ITGB4: variants seen among roughly 807,000 people sequenced by gnomAD.
The protein encoded by ITGB4 is integrin subunit beta 4.
Under a neutral mutation model 207.6 loss-of-function variants are expected in ITGB4, and 159 were observed. The observed-to-expected ratio is 0.77, with a 90% CI of 0.67 to 0.87. The LOEUF is 0.87. Ranked by LOEUF, ITGB4 falls within the 40% of genes least tolerant of loss-of-function variation. ITGB4 has a pLI of 0.00. For missense variants in ITGB4, 2,278 were observed against 2,546.8 expected (o/e 0.89, Z 2.27); for synonymous variants, 1,020 against 1,062.7 (o/e 0.96, Z 0.78).
At position 75,756,794 on chromosome 17, in the gene ITGB4, G is replaced by C. The variant is rs770271972; in HGVS notation, c.4988G>C (p.Arg1663Pro). ...SPDSLQLSWERPRRPNGDIVG... is the reference protein window; with the variant it reads ...SPDSLQLSWEPPRRPNGDIVG... Reference sequence around the variant, plus strand: ...GACTCGCTGCAGCTGAGCTGGGAGCGGCCACGGAGGCCCAATGGGGATATC... The same window carrying C: ...GACTCGCTGCAGCTGAGCTGGGAGCCGCCACGGAGGCCCAATGGGGATATC... Residue 1663 changes from arginine to proline, a missense_variant, in exon 37 of 40, where the codon CGG becomes CCG. Physicochemically the swap from Arg to Pro is moderately radical, Grantham distance 103 (BLOSUM62 -2). Coordinates refer to ENST00000200181, the MANE Select transcript of ITGB4 (RefSeq NM_000213.5). The C allele has an allele frequency of 6.8e-6, 11 of 1,612,592 alleles. No individual in the cohort carries two copies. The highest frequency in any genetic ancestry group is 9.3e-6 in the Non-Finnish European group (11 of 1,179,998).
rs777636050 is a variant in ITGB4, at chr17:75,729,310, GA to G, written c.614del (p.Asn205ThrfsTer5). ...PNSDPPFSFKNVISLTEDVDE... is the reference protein window; with the variant it reads ...PNSDPPFSFKXVISLTEDVDE... ...ACAGTGACCCCCCCTTCTCCTTCAA[GA>G]ACGTCATCAGCCTGACAGAAGATGT... is the stretch of plus-strand genomic sequence containing the variant. On this transcript the variant is annotated frameshift_variant, in exon 7 of 40. Coordinates refer to ENST00000200181, the MANE Select transcript of ITGB4 (RefSeq NM_000213.5). LOFTEE classifies it high-confidence loss of function. The surrounding 1 kb of genome is among the most constrained non-coding windows in gnomAD (Gnocchi z 4.4). 3.7e-6 allele frequency: 6 copies of G among 1,614,024 alleles called. No individual in the cohort carries two copies. In the African/African-American group the frequency reaches 8.0e-5, roughly 22 times the overall value.
chr17:75,743,004 A>T (rs147390751), intron 25 of ITGB4, among the ~76,000 whole-genome samples: 112 of 152,210 alleles, frequency 7.4e-4, no homozygotes, highest in African/African-American at 2.6e-3. Flanking sequence ...TTGCATCCTC[A>T]TAAGGGCCAG....
In ITGB4 at chr17:75,731,806, CT is replaced by C; in HGVS notation, c.1216-5del. The C allele has an allele frequency of 1.9e-6, 3 of 1,579,904 alleles. No individual in the cohort carries two copies. The highest frequency in any genetic ancestry group is 2.6e-6 in the Non-Finnish European group (3 of 1,162,660). On this transcript the variant is annotated splice_region_variant and splice_polypyrimidine_tract_variant and intron_variant, in intron 10 of 39. Coordinates refer to ENST00000200181, the MANE Select transcript of ITGB4 (RefSeq NM_000213.5). This position sits in a 1 kb window ranked among gnomAD's most constrained non-coding sequence, Gnocchi z 6.8. ...CCTGCCTTGGCTGACCACGGGGCCC[CT>C]GCAGGGTATATACCAGGTGCAGCTG...
At position 75,729,711 on chromosome 17, in the gene ITGB4, G is replaced by A. The variant is rs144680250; in HGVS notation, c.738+275G>A. 2.6e-3 allele frequency among the ~76,000 whole-genome samples: 398 copies of A among 152,328 alleles called. 1 individual carries two copies. The highest frequency in any genetic ancestry group is 0.014 in the Middle Eastern group (4 of 294). ...TACCAAGGCAGACCTGGGCTTTAGC[G>A]TTCTGGAATCTTTAGTACCCTGAAC... On this transcript the variant is annotated intron_variant, in intron 7 of 39. Coordinates refer to ENST00000200181, the MANE Select transcript of ITGB4 (RefSeq NM_000213.5). This position sits in a 1 kb window ranked among gnomAD's most constrained non-coding sequence, Gnocchi z 4.4.
At chr17:75,753,430 A>T (rs1255296903) in intron 32 of ITGB4, among the ~76,000 whole-genome samples, 1 of 152,146 alleles carries the variant, frequency 6.6e-6, no homozygotes, top group African/African-American at 2.4e-5. Flanking sequence ...CGGGAAACTG[A>T]GTCTCGGAGA....
chr17:75,757,742 T>G lies in ITGB4; in HGVS notation c.*187T>G. ...TCCGTCCTCTGTGGGCCCAAACCTA[T>G]TTGTAACCAAAGAGCTGGGAGCAGC... On this transcript the variant is annotated 3_prime_UTR_variant, in exon 40 of 40. Transcript: ENST00000200181. 1.3e-6 allele frequency: 1 copy of G among 774,962 alleles called. No individual in the cohort carries two copies. The highest frequency in any genetic ancestry group is 2.1e-6 in the Non-Finnish European group (1 of 471,148). The allele number at this position is 774,962 out of a possible 1,614,324, so 48.0% of individuals were successfully genotyped here. A position where few individuals can be genotyped will look rare whatever the true frequency, so the allele number is the denominator to read the frequency against.
In ITGB4 at chr17:75,742,081, C is replaced by A. The variant is rs891653994; in HGVS notation, c.2634-260C>A. ...ACACACCCTTAGCATCTTTGCTGTC[C>A]AGCCCTTGATGAGGTGGGCAGAGAA... On this transcript the variant is annotated intron_variant, in intron 23 of 39. Transcript: ENST00000200181. The surrounding 1 kb of genome is among the most constrained non-coding windows in gnomAD (Gnocchi z 5.9). Among the ~76,000 whole-genome samples, 1 of 152,228 alleles carries A rather than the reference C, an allele frequency of 6.6e-6. No homozygotes were observed. Among genetic ancestry groups the A allele is most frequent in the African/African-American group, 2.4e-5 (1 of 41,470 alleles).
Position 75,752,325 on chromosome 17 carries a change from C to G in ITGB4, c.3945C>G (p.Asn1315Lys). ...GWGPEREAII[N>K]LATQPKRPMS... The stretch of plus-strand genomic sequence containing the variant: ...GGCCTGAGCGGGAGGCCATCATCAA[C>G]CTGGCCACCCAGCCCAAGAGGCCCA... The change falls in exon 31 of 40, where the codon AAC becomes AAG. Residue 1315 changes from asparagine to lysine, a missense_variant. Asn to Lys is a moderately conservative substitution (Grantham distance 94). Coordinates refer to ENST00000200181, the MANE Select transcript of ITGB4 (RefSeq NM_000213.5). 1 of 1,612,864 alleles carries G rather than the reference C, an allele frequency of 6.2e-7. No individual in the cohort carries two copies. The highest frequency in any genetic ancestry group is 8.5e-7 in the Non-Finnish European group (1 of 1,179,830).
chr17:75,724,293 GC>G (rs2060673600), intron 1 of ITGB4, among the ~76,000 whole-genome samples: 6 of 152,218 alleles, frequency 3.9e-5, no homozygotes, highest in Admixed American at 3.9e-4. Context: ...CAGAGCTGCG[GC>G]CCCCTCTCAG....
intron 32 of ITGB4, among the ~76,000 whole-genome samples, chr17:75,753,442 G>C (rs1226304966): frequency 6.6e-6 from 1 of 152,198 alleles, no homozygotes; most frequent in South Asian, 2.1e-4. Context: ...TCTCGGAGAG[G>C]TTAAGTAAAG....
Position 75,757,437 on chromosome 17 carries a change from A to G in ITGB4, c.5351A>G (p.Gln1784Arg), listed in dbSNP as rs1192767025. 2 of 1,613,114 alleles carry G rather than the reference A, an allele frequency of 1.2e-6. No homozygotes were observed. Among genetic ancestry groups the G allele is most frequent in the Admixed American group, 3.3e-5 (2 of 60,002 alleles). Residue 1784 changes from glutamine (Q) to arginine (R), a missense_variant, in exon 40 of 40, where the codon CAG becomes CGG. Physicochemically the swap from Gln to Arg is conservative, Grantham distance 43. Transcript: ENST00000200181. ...ACAGATGGGCTGACCCTGGGGGCCC[A>G]GCACCTGGAGGCAGGCGGCTCCCTC... ...FLVDGLTLGA[Q>R]HLEAGGSLTR...
At chr17:75,741,162 A>G in intron 23 of ITGB4, 157 bp downstream of exon 23, 1 of 845,904 alleles carries the variant, frequency 1.2e-6, no homozygotes, top group Non-Finnish European at 1.9e-6. Context: ...TCCTTTGACC[A>G]TTTCTTCAAC....
At chr17:75,751,892 G>A (rs2061374902) in intron 30 of ITGB4, 10 of 509,412 alleles carry the variant, frequency 2.0e-5, no homozygotes, top group South Asian at 8.0e-5. Flanking sequence ...TGGAGGCACC[G>A]TGGATATATG....
chr17:75,750,096 A>T lies in ITGB4; in HGVS notation c.3317-15A>T. ...GGGATCTGAGTGGTTGCCCGGCCCCAACCTGACCCGTTAGATGAACTGGAC... is the reference window on the plus strand; with the variant it reads ...GGGATCTGAGTGGTTGCCCGGCCCCTACCTGACCCGTTAGATGAACTGGAC... On this transcript the variant is annotated splice_polypyrimidine_tract_variant and intron_variant, in intron 27 of 39. Coordinates refer to ENST00000200181, the MANE Select transcript of ITGB4 (RefSeq NM_000213.5). This position sits in a 1 kb window ranked among gnomAD's most constrained non-coding sequence, Gnocchi z 5.5. 1 of 1,613,454 alleles carries T rather than the reference A, an allele frequency of 6.2e-7. No homozygotes were observed. Among genetic ancestry groups the T allele is most frequent in the Non-Finnish European group, 8.5e-7 (1 of 1,179,996 alleles).
At chr17:75,746,675 C>T (rs2061239275) in intron 26 of ITGB4, among the ~76,000 whole-genome samples, 1 of 151,590 alleles carries the variant, frequency 6.6e-6, no homozygotes, top group Non-Finnish European at 1.5e-5. Context: ...TACAGTGGCT[C>T]ATGCCTGTAA....
chr17:75,752,061 C>T (rs1209817269), intron 30 of ITGB4, 113 bp from the exon 31 acceptor site: 3 of 1,187,144 alleles, frequency 2.5e-6, no homozygotes, highest in Non-Finnish European at 3.8e-6. Context: ...TGCCTTGCTT[C>T]CCCAGCCCCT....
chr17:75,734,128 T>G (rs12947225), intron 13 of ITGB4, among the ~76,000 whole-genome samples: 6 of 44,166 alleles, frequency 1.4e-4, no homozygotes, highest in East Asian at 7.3e-4. Flanking sequence ...GTTGCTGCTG[T>G]TTTTTTTTTT....
chr17:75,728,304 C>G (rs1478897093), intron 5 of ITGB4, 73 bp from the exon 6 acceptor site: 10 of 1,291,982 alleles, frequency 7.7e-6, no homozygotes, highest in Non-Finnish European at 1.1e-5. Flanking sequence ...CTGAGCCAGC[C>G]CTTGGTGGGG....
chr17:75,727,971 G>A lies in ITGB4; in HGVS notation c.469+116G>A, dbSNP rs1196805805. 1 of 943,646 alleles carries A rather than the reference G, an allele frequency of 1.1e-6. No homozygotes were observed. The highest frequency in any genetic ancestry group is 1.6e-5 in the African/African-American group (1 of 61,302). The allele number at this position is 943,646 out of a possible 1,614,324, so 58.5% of individuals were successfully genotyped here. A position where few individuals can be genotyped will look rare whatever the true frequency, so the allele number is the denominator to read the frequency against. ...ACCCAGAAGGAAACACTGGACATTT[G>A]AGCCCCCAAAAACCTTCCCTTCCAT... On this transcript the variant is annotated intron_variant, in intron 5 of 39. Transcript: ENST00000200181. This position sits in a 1 kb window ranked among gnomAD's most constrained non-coding sequence, Gnocchi z 6.0.
Sources: allele counts gnomAD v4.1 joint callset (sites outside exome capture counted in the v4.1 genomes callset), GRCh38; gene constraint gnomAD v4.1.1; non-coding constraint Gnocchi (gnomAD v3.1); transcripts MANE v1.5; gene names NCBI Gene and HGNC (gene_info 2026-07-23, HGNC 2026-07-21).